PCDHGB6: variants seen among roughly 807,000 people sequenced by gnomAD.
PCDHGB6 encodes the protein protocadherin gamma-B6.
Under a neutral mutation model 59.1 loss-of-function variants are expected in PCDHGB6, and 51 were observed. The ratio of observed to expected loss-of-function variants is 0.86; its 90% CI spans 0.69 to 1.09. The LOEUF is 1.09. PCDHGB6 is among the 50% of genes least tolerant of loss of function. PCDHGB6 has a pLI of 0.00. For synonymous variants in PCDHGB6, 466 were observed against 495.1 expected, an observed-to-expected ratio of 0.94 and a Z score of 0.78; for missense variants, 1,148 against 1,205.1, an observed-to-expected ratio of 0.95 and a Z score of 0.70.
rs2097368013 is a variant in PCDHGB6 at position 141,431,382 on chromosome 5, A to G, written c.2418+20762A>G. 6 of 1,613,756 alleles carry G rather than the reference A, an allele frequency of 3.7e-6. No homozygotes were observed. In the East Asian group the frequency reaches 1.1e-4, roughly 30 times the overall value. On this transcript the variant is annotated intron_variant, in intron 1 of 3. Transcript: ENST00000520790. This position sits in a 1 kb window ranked among gnomAD's most constrained non-coding sequence, Gnocchi z 4.8. ...CTGGACCGCGAAGAAAAGGCTGCTC[A>G]CCACCTGGTCCTTACGGCCTCCGAC... is the stretch of plus-strand genomic sequence containing the variant.
intron 1 of PCDHGB6, among the ~76,000 whole-genome samples, chr5:141,425,919 GA>G (rs2096903434): frequency 6.6e-6 from 1 of 152,056 alleles, no homozygotes; most frequent in African/African-American, 2.4e-5. Flanking sequence ...CAGTCACTAC[GA>G]AAACTCATAA....
intron 1 of PCDHGB6, chr5:141,478,305 C>A (rs775282798): frequency 1.2e-6 from 2 of 1,613,974 alleles, no homozygotes; most frequent in Non-Finnish European, 8.5e-7. Flanking sequence ...TACCGAGCCC[C>A]GGTGAGCTCA....
chr5:141,461,303 G>T (rs1390421489), intron 1 of PCDHGB6, among the ~76,000 whole-genome samples: 2 of 152,074 alleles, frequency 1.3e-5, no homozygotes, highest in Non-Finnish European at 2.9e-5. Flanking sequence ...AACATCTATT[G>T]TTTTTTGACT....
At position 141,487,398 on chromosome 5, in the gene PCDHGB6, G is replaced by A. The variant is rs1342197934; in HGVS notation, c.2419-7409G>A. 1.9e-6 allele frequency: 3 copies of A among 1,613,926 alleles called. No individual in the cohort carries two copies. The African/African-American group carries it at 4.0e-5, about 22-fold the overall frequency. ...CTCACCAGATCTCGAAGGAGGGAGGGGCTTCCCCCTTCCAATGGGATCCTC... is the reference window on the plus strand; with the variant it reads ...CTCACCAGATCTCGAAGGAGGGAGGAGCTTCCCCCTTCCAATGGGATCCTC... On this transcript the variant is annotated intron_variant, in intron 1 of 3. Transcript: ENST00000520790. The surrounding 1 kb of genome is among the most constrained non-coding windows in gnomAD (Gnocchi z 5.0).
rs749221752 is a variant in PCDHGB6 at position 141,432,670 on chromosome 5, G to T, written c.2418+22050G>T. ...CGCGAGCCCTGCTGGACAGAGACGCGCTCAAGCAGAGCCTCGTAGTGGCCG... is the reference window on the plus strand; with the variant it reads ...CGCGAGCCCTGCTGGACAGAGACGCTCTCAAGCAGAGCCTCGTAGTGGCCG... On this transcript the variant is annotated intron_variant, in intron 1 of 3. Coordinates refer to ENST00000520790, the MANE Select transcript of PCDHGB6 (RefSeq NM_018926.3). This position sits in a 1 kb window ranked among gnomAD's most constrained non-coding sequence, Gnocchi z 6.0. 7 of 1,613,750 alleles carry T rather than the reference G, an allele frequency of 4.3e-6. No homozygotes were observed. The African/African-American group carries it at 5.3e-5, about 12-fold the overall frequency.
Position 141,491,913 on chromosome 5 carries a change from T to C in PCDHGB6, c.2419-2894T>C, listed in dbSNP as rs2099735120. 2.1e-6 allele frequency: 3 copies of C among 1,398,206 alleles called. No homozygotes were observed. Among genetic ancestry groups the C allele is most frequent in the Non-Finnish European group, 2.9e-6 (3 of 1,051,918 alleles). The allele number at this position is 1,398,206 out of a possible 1,614,324, so 86.6% of individuals were successfully genotyped here. On this transcript the variant is annotated intron_variant, in intron 1 of 3. Coordinates refer to ENST00000520790, the MANE Select transcript of PCDHGB6 (RefSeq NM_018926.3). The surrounding 1 kb of genome is among the most constrained non-coding windows in gnomAD (Gnocchi z 6.9). ...TCCGAGCACCGGGGGTGGTGGCGAC[T>C]GTGGGCGAGGGGAGGTGGGACCGAC... is the stretch of plus-strand genomic sequence containing the variant.
intron 1 of PCDHGB6, chr5:141,433,087 A>G (rs769187557): frequency 6.2e-7 from 1 of 1,614,206 alleles, no homozygotes. Context: ...CCAACTATGC[A>G]GACATGCTCG....
In PCDHGB6 at chr5:141,432,039, G is replaced by A; in HGVS notation, c.2418+21419G>A. 1 of 1,614,176 alleles carries A rather than the reference G, an allele frequency of 6.2e-7. No individual in the cohort carries two copies. The highest frequency in any genetic ancestry group is 8.5e-7 in the Non-Finnish European group (1 of 1,180,028). ...AACATCACAGTGACCGCCACTGACC[G>A]GGGAACCCCGCCCCTATCCACGGAA... On this transcript the variant is annotated intron_variant, in intron 1 of 3. Coordinates refer to ENST00000520790, the MANE Select transcript of PCDHGB6 (RefSeq NM_018926.3). This position sits in a 1 kb window ranked among gnomAD's most constrained non-coding sequence, Gnocchi z 6.0.
intron 2 of PCDHGB6, among the ~76,000 whole-genome samples, chr5:141,503,685 G>A (rs1171934407): frequency 2.6e-5 from 4 of 151,882 alleles, no homozygotes; most frequent in African/African-American, 9.7e-5. Context: ...TTGGGAAGGA[G>A]AATTGAGATT....
In PCDHGB6 at chr5:141,465,057, A is replaced by T. The variant is rs1253395484; in HGVS notation, c.2419-29750A>T. 3.3e-5 allele frequency among the ~76,000 whole-genome samples: 5 copies of T among 151,646 alleles called. No homozygotes were observed. The East Asian group carries it at 9.6e-4, about 29-fold the overall frequency. ...ACAAATGACCCTATATATTTTTTTG[A>T]ATTGTCTGTTCATGTCTTATTTTCA... On this transcript the variant is annotated intron_variant, in intron 1 of 3. Coordinates refer to ENST00000520790, the MANE Select transcript of PCDHGB6 (RefSeq NM_018926.3).
In PCDHGB6 at chr5:141,485,848, C is replaced by A; in HGVS notation, c.2419-8959C>A. The stretch of plus-strand genomic sequence containing the variant: ...GAGGGAACCCGCCGAGATCTGGCAC[C>A]GCAGAGCTCCGGGTATCCGTGCTGG... On this transcript the variant is annotated intron_variant, in intron 1 of 3. Transcript: ENST00000520790. This position sits in a 1 kb window ranked among gnomAD's most constrained non-coding sequence, Gnocchi z 5.7. 1 of 1,614,192 alleles carries A rather than the reference C, an allele frequency of 6.2e-7. No homozygotes were observed. The highest frequency in any genetic ancestry group is 8.5e-7 in the Non-Finnish European group (1 of 1,180,020).
intron 1 of PCDHGB6, chr5:141,414,389 A>G: frequency 1.9e-6 from 3 of 1,613,926 alleles, no homozygotes; most frequent in African/African-American, 2.7e-5. Context: ...ATTGACAGTT[A>G]TTACAGATTG....
chr5:141,480,381 C>T (rs1018981416), intron 1 of PCDHGB6, among the ~76,000 whole-genome samples: 2 of 151,926 alleles, frequency 1.3e-5, no homozygotes, highest in Non-Finnish European at 2.9e-5. Context: ...CACCACTACA[C>T]TTCAACCATG....
In PCDHGB6 at chr5:141,410,086, G is replaced by T; in HGVS notation, c.1884G>T (p.Thr628=). 6.2e-7 allele frequency: 1 copy of T among 1,612,588 alleles called. No homozygotes were observed. Among genetic ancestry groups the T allele is most frequent in the Non-Finnish European group, 8.5e-7 (1 of 1,179,636 alleles). Residue 628 remains threonine, a synonymous_variant, in exon 1 of 4, where the codon ACG becomes ACT. Transcript: ENST00000520790. Reference sequence around the variant, plus strand: ...GGCTGCGCACTGGGGAGGTGCGCACGGCTCGAGCCTTAGGCGACAGGGACG... The same window carrying T: ...GGCTGCGCACTGGGGAGGTGCGCACTGCTCGAGCCTTAGGCGACAGGGACG... ...SLGLRTGEVR[T]ARALGDRDAA...
chr5:141,478,718 C>T, intron 1 of PCDHGB6: 1 of 1,544,994 alleles, frequency 6.5e-7, no homozygotes, highest in East Asian at 2.4e-5. Context: ...AGATGGTGGC[C>T]TGCCAGAGTG....
intron 1 of PCDHGB6, among the ~76,000 whole-genome samples, chr5:141,462,442 A>C (rs890167032): frequency 1.3e-5 from 2 of 152,150 alleles, no homozygotes; most frequent in African/African-American, 4.8e-5. Context: ...GCTTACACAC[A>C]ACTGTGTAAC....
chr5:141,418,105 G>A lies in PCDHGB6; in HGVS notation c.2418+7485G>A, dbSNP rs971913143. On this transcript the variant is annotated intron_variant, in intron 1 of 3. Transcript: ENST00000520790. ...ACTTCAGCGTAGACGCGCAGAGCGG[G>A]GACTTACTTGTGAAGGACCGAATAG... 5 of 1,614,062 alleles carry A rather than the reference G, an allele frequency of 3.1e-6. No homozygotes were observed. The East Asian group carries it at 8.9e-5, about 29-fold the overall frequency.
intron 1 of PCDHGB6, chr5:141,419,684 G>A (rs1286646418): frequency 5.4e-5 from 87 of 1,612,770 alleles, no homozygotes; most frequent in Non-Finnish European, 7.3e-5. Flanking sequence ...CTACCACGTG[G>A]TGCAGGCCAG....
intron 1 of PCDHGB6, among the ~76,000 whole-genome samples, chr5:141,481,008 A>G (rs2099529606): frequency 6.6e-6 from 1 of 152,224 alleles, no homozygotes; most frequent in Non-Finnish European, 1.5e-5. Context: ...CAGTGAGCCC[A>G]GATCACACCA....
Sources: allele counts gnomAD v4.1 joint callset (sites outside exome capture counted in the v4.1 genomes callset), GRCh38; gene constraint gnomAD v4.1.1; non-coding constraint Gnocchi (gnomAD v3.1); transcripts MANE v1.5; gene names NCBI Gene and HGNC (gene_info 2026-07-23, HGNC 2026-07-21).